Variants in TTC13 observed in about 807,000 individuals in gnomAD.
TTC13 encodes the protein tetratricopeptide repeat protein 13.
TTC13 carries 62 observed loss-of-function variants against 120.0 expected under a neutral mutation model. The observed-to-expected ratio is 0.52, with a 90% CI of 0.42 to 0.64. TTC13 has a LOEUF of 0.64. TTC13 is among the 30% of genes least tolerant of loss of function. TTC13 has a pLI of 0.00. For synonymous variants in TTC13, 384 were observed against 393.5 expected (o/e 0.98, Z 0.28); for missense variants, 824 against 1,050.2 (o/e 0.78, Z 2.98).
Position 230,912,605 on chromosome 1 carries a change from A to G in TTC13, c.2229+18T>C. On this transcript the variant is annotated intron_variant, in intron 19 of 22. Transcript: ENST00000366661. ...AATCATAGGAAGAGCAGAAAAATGGAAACAAAGAGAAACCTACCCCAAATT... is the reference window on the plus strand; with the variant it reads ...AATCATAGGAAGAGCAGAAAAATGGGAACAAAGAGAAACCTACCCCAAATT... 6.2e-7 allele frequency: 1 copy of G among 1,606,498 alleles called. No individual in the cohort carries two copies. Among genetic ancestry groups the G allele is most frequent in the East Asian group, 2.2e-5 (1 of 44,682 alleles).
At chr1:230,972,930 G>A (rs1677912457) in intron 1 of TTC13, among the ~76,000 whole-genome samples, 1 of 152,146 alleles carries the variant, frequency 6.6e-6, no homozygotes, top group Non-Finnish European at 1.5e-5. Flanking sequence ...ATGCCACAGG[G>A]GCCAGGATGT....
intron 15 of TTC13, among the ~76,000 whole-genome samples, chr1:230,922,043 G>A (rs1453700001): frequency 1.3e-5 from 2 of 152,074 alleles, no homozygotes; most frequent in Non-Finnish European, 2.9e-5. Flanking sequence ...CTGCTCCCAG[G>A]ACATCGCTCC....
At chr1:230,975,833 A>G (rs549376879) in intron 1 of TTC13, among the ~76,000 whole-genome samples, 2 of 152,230 alleles carry the variant, frequency 1.3e-5, no homozygotes, top group African/African-American at 4.8e-5. Flanking sequence ...CAGCCCACTG[A>G]GCATTAGGCT....
intron 7 of TTC13, 65 bp from the exon 8 acceptor site, chr1:230,939,561 T>C (rs192446751): frequency 6.0e-6 from 7 of 1,161,712 alleles, no homozygotes; most frequent in African/African-American, 1.5e-5. Context: ...CATTTCCTAA[T>C]TTTTGGCTGG....
At chr1:230,968,388 T>C (rs1449494949) in intron 1 of TTC13, among the ~76,000 whole-genome samples, 2 of 152,162 alleles carry the variant, frequency 1.3e-5, no homozygotes, top group Non-Finnish European at 2.9e-5. Flanking sequence ...TTCTAATTCA[T>C]TTATACCAGC....
intron 3 of TTC13, among the ~76,000 whole-genome samples, chr1:230,956,123 A>G (rs76400874): frequency 0.014 from 2,099 of 152,352 alleles, 25 homozygotes; most frequent in Middle Eastern, 0.034. Context: ...TTTGCAGACA[A>G]GGAAATAAAG....
At chr1:230,931,563 G>T in intron 10 of TTC13, 91 bp from the exon 11 acceptor site, 1 of 1,524,838 alleles carries the variant, frequency 6.6e-7, no homozygotes, top group Non-Finnish European at 8.9e-7. Context: ...TTCCCTCCAG[G>T]TTAAACCAGA....
intron 3 of TTC13, among the ~76,000 whole-genome samples, 199 bp from the exon 4 acceptor site, chr1:230,954,602 T>A (rs1039496223): frequency 6.6e-6 from 1 of 152,194 alleles, no homozygotes; most frequent in African/African-American, 2.4e-5. Context: ...TCCAGTTCCA[T>A]CTAGATTTAA....
intron 1 of TTC13, among the ~76,000 whole-genome samples, chr1:230,969,336 G>A (rs1231828628): frequency 6.6e-6 from 1 of 152,210 alleles, no homozygotes; most frequent in African/African-American, 2.4e-5. Context: ...TTGACCTGGT[G>A]AAGATGAGTA....
rs1213895776 is a variant in TTC13 at position 230,929,038 on chromosome 1, A to G, written c.1356T>C (p.Ile452=). ...HLDTPLTEYN[I]DVDLPGSFKD... Reference sequence around the variant, plus strand: ...TAAAGCTTCCAGGCAGATCCACATCAATGTTATATTCCGTAAGGGGGGTAT... The same window carrying G: ...TAAAGCTTCCAGGCAGATCCACATCGATGTTATATTCCGTAAGGGGGGTAT... The change falls in exon 12 of 23, where the codon ATT becomes ATC. Residue 452 remains isoleucine, a synonymous_variant. Transcript: ENST00000366661. 1.2e-6 allele frequency: 2 copies of G among 1,614,054 alleles called. No individual in the cohort carries two copies. The highest frequency in any genetic ancestry group is 2.2e-5 in the East Asian group (1 of 44,892).
chr1:230,968,773 C>T (rs1330904992), intron 1 of TTC13, among the ~76,000 whole-genome samples: 4 of 152,022 alleles, frequency 2.6e-5, no homozygotes, highest in Non-Finnish European at 5.9e-5. Context: ...GTGCCATCAA[C>T]GGAAACAAGG....
intron 1 of TTC13, among the ~76,000 whole-genome samples, chr1:230,964,406 G>T (rs1676935643): frequency 6.6e-6 from 1 of 152,042 alleles, no homozygotes; most frequent in Non-Finnish European, 1.5e-5. Context: ...GTTTGAGAAG[G>T]TCCATTTCCC....
intron 1 of TTC13, among the ~76,000 whole-genome samples, chr1:230,974,292 C>G (rs1678045698): frequency 2.0e-5 from 3 of 152,160 alleles, no homozygotes; most frequent in Admixed American, 2.0e-4. Context: ...ACACACTGCT[C>G]TTTATCCTCT....
intron 3 of TTC13, chr1:230,956,486 T>C: frequency 3.0e-6 from 1 of 332,482 alleles, no homozygotes; most frequent in Non-Finnish European, 5.8e-6. Context: ...AATAAGCCTG[T>C]AGAAAATTTT....
In TTC13 at chr1:230,934,866, G is replaced by A. The variant is rs529262707; in HGVS notation, c.901-1005C>T. Among the ~76,000 whole-genome samples the A allele has an allele frequency of 5.9e-5, 9 of 152,278 alleles. No homozygotes were observed. The South Asian group carries it at 1.9e-3, about 32-fold the overall frequency. ...GATGTCACATACCTTGTACATGGTA[G>A]GCACTCAATAAATATTTAATGATTT... is the stretch of plus-strand genomic sequence containing the variant. On this transcript the variant is annotated intron_variant, in intron 8 of 22. Transcript: ENST00000366661.
intron 1 of TTC13, among the ~76,000 whole-genome samples, chr1:230,963,250 A>C (rs1043980972): frequency 2.0e-5 from 3 of 152,220 alleles, no homozygotes; most frequent in Admixed American, 6.5e-5. Context: ...CTTAACAATA[A>C]GAAACAAGAC....
intron 8 of TTC13, among the ~76,000 whole-genome samples, chr1:230,935,299 G>T (rs1021652183): frequency 6.6e-6 from 1 of 152,160 alleles, no homozygotes; most frequent in Admixed American, 6.5e-5. Context: ...TGTCCTCTAA[G>T]AATGGAGTCT....
At chr1:230,951,683 T>C (rs1675596079) in intron 4 of TTC13, among the ~76,000 whole-genome samples, 1 of 152,170 alleles carries the variant, frequency 6.6e-6, no homozygotes, top group African/African-American at 2.4e-5. Flanking sequence ...AAAAGTATTA[T>C]TGAGATAAAA....
chr1:230,975,227 A>T (rs559195033), intron 1 of TTC13, among the ~76,000 whole-genome samples: 75 of 150,794 alleles, frequency 5.0e-4, no homozygotes, highest in African/African-American at 1.7e-3. Context: ...AAAAAAAAAT[A>T]GCTGGGCATG....
Sources: allele counts gnomAD v4.1 joint callset (sites outside exome capture counted in the v4.1 genomes callset), GRCh38; gene constraint gnomAD v4.1.1; transcripts MANE v1.5; gene names NCBI Gene and HGNC (gene_info 2026-07-23, HGNC 2026-07-21).